The following OAS3 variants were observed in gnomAD, a reference collection of about 807,000 sequenced individuals.
The protein encoded by OAS3 is 2'-5'-oligoadenylate synthetase 3.
Under a neutral mutation model 113.0 loss-of-function variants are expected in OAS3, and 107 were observed. The observed-to-expected ratio is 0.95, with a 90% CI of 0.81 to 1.11. OAS3 has a LOEUF of 1.11. Ranked by LOEUF, OAS3 falls within the 50% of genes most tolerant of loss-of-function variation. OAS3 has a pLI of 0.00. For synonymous variants in OAS3, 552 were observed against 573.6 expected (o/e 0.96, Z 0.54); for missense variants, 1,258 against 1,389.1 (o/e 0.91, Z 1.50).
At chr12:112,960,805 A>T (rs2043876120) in intron 7 of OAS3, among the ~76,000 whole-genome samples, 1 of 152,164 alleles carries the variant, frequency 6.6e-6, no homozygotes, top group African/African-American at 2.4e-5. Context: ...CTTTCAGGGA[A>T]AATTTAAAAA....
intron 7 of OAS3, among the ~76,000 whole-genome samples, chr12:112,957,702 T>C (rs2043848363): frequency 6.6e-6 from 1 of 152,218 alleles, no homozygotes; most frequent in Non-Finnish European, 1.5e-5. Flanking sequence ...TGCCGAGAGA[T>C]CTGCTGTTAG....
chr12:112,943,031 G>T (rs868661070), intron 2 of OAS3, among the ~76,000 whole-genome samples: 1 of 151,794 alleles, frequency 6.6e-6, no homozygotes, highest in Non-Finnish European at 1.5e-5. Context: ...TCCGTCCTGG[G>T]TTCAAGCAAT....
chr12:112,968,258 G>C lies in OAS3; in HGVS notation c.3104+84G>C, dbSNP rs2043954625. ...CTTTCTAGATTGCAGAGCAGAGATG[G>C]GAAAACACTCTTCCTAGAACGGATT... On this transcript the variant is annotated intron_variant, in intron 14 of 15. Coordinates refer to ENST00000228928, the MANE Select transcript of OAS3 (RefSeq NM_006187.4). 3 of 1,464,472 alleles carry C rather than the reference G, an allele frequency of 2.0e-6. No homozygotes were observed. In the African/African-American group the frequency reaches 4.2e-5, roughly 21 times the overall value. The allele number at this position is 1,464,472 out of a possible 1,614,324, so 90.7% of individuals were successfully genotyped here.
chr12:112,967,974 A>C lies in OAS3; in HGVS notation c.2904A>C (p.Pro968=). ...KISKGRGSLP[P]QHGLELLTVY... ...CCAAGGGGAGAGGCTCCCTACCCCC[A>C]CAGCACGGGCTGGAACTCCTGACTG... The change falls in exon 14 of 16, where the codon CCA becomes CCC. Residue 968 remains proline (P), a synonymous_variant. Coordinates refer to ENST00000228928, the MANE Select transcript of OAS3 (RefSeq NM_006187.4). The C allele has an allele frequency of 6.2e-7, 1 of 1,613,986 alleles. No individual in the cohort carries two copies. Among genetic ancestry groups the C allele is most frequent in the South Asian group, 1.1e-5 (1 of 91,070 alleles).
At chr12:112,956,854 C>T (rs181754521) in intron 7 of OAS3, among the ~76,000 whole-genome samples, 271 of 152,222 alleles carry the variant, frequency 1.8e-3, no homozygotes, top group South Asian at 0.013. Flanking sequence ...CTATTAGGTC[C>T]GCTTGGTGCA....
intron 7 of OAS3, among the ~76,000 whole-genome samples, chr12:112,951,682 A>G (rs1222639660): frequency 6.6e-6 from 1 of 151,996 alleles, no homozygotes; most frequent in African/African-American, 2.4e-5. Flanking sequence ...CATTTCTTAG[A>G]TTGCCCATGG....
Position 112,954,526 on chromosome 12 carries a change from G to A in OAS3, c.1657+3551G>A, listed in dbSNP as rs1054597837. ...TTAGCCAGGATGGTCTTGATCTCCC[G>A]ACCTCGTGATCCACCCACCTCGGCC... is the stretch of plus-strand genomic sequence containing the variant. On this transcript the variant is annotated intron_variant, in intron 7 of 15. Transcript: ENST00000228928. The surrounding 1 kb of genome is among the most constrained non-coding windows in gnomAD (Gnocchi z 4.0). Among the ~76,000 whole-genome samples the A allele has an allele frequency of 5.9e-5, 9 of 152,096 alleles. No homozygotes were observed. Among genetic ancestry groups the A allele is most frequent in the East Asian group, 1.9e-4 (1 of 5,180 alleles).
chr12:112,944,309 A>C (rs149825066), intron 2 of OAS3, among the ~76,000 whole-genome samples, 167 bp from the exon 3 acceptor site: 1 of 152,214 alleles, frequency 6.6e-6, no homozygotes, highest in Non-Finnish European at 1.5e-5. Flanking sequence ...CCTCCTGAAA[A>C]GCTCCAGGCT....
rs1460712828 is a variant in OAS3 at position 112,938,593 on chromosome 12, G to C, written c.63G>C (p.Pro21=). 5 of 1,610,422 alleles carry C rather than the reference G, an allele frequency of 3.1e-6. No individual in the cohort carries two copies. In the African/African-American group the frequency reaches 5.3e-5, roughly 17 times the overall value. The change falls in exon 1 of 16, where the codon CCG becomes CCC. Residue 21 remains proline (P), a synonymous_variant. Transcript: ENST00000228928. ...GGTTCGTGGCCAGAAGGCTGCAGCC[G>C]CGGAAGGAGTTCGTAGAGAAGGCGC... ...LDRFVARRLQ[P]RKEFVEKARR... is the part of the protein sequence containing the mutation.
intron 5 of OAS3, 119 bp downstream of exon 5, chr12:112,948,218 A>G (rs2043751651): frequency 2.9e-6 from 3 of 1,042,682 alleles, no homozygotes; most frequent in Non-Finnish European, 3.8e-6. Context: ...AGGGGTGGCC[A>G]GGTGTGGTGG....
intron 7 of OAS3, 108 bp downstream of exon 7, chr12:112,951,083 GC>G: frequency 8.4e-7 from 1 of 1,193,564 alleles, no homozygotes; most frequent in East Asian, 2.5e-5. Context: ...ACTTGACCAA[GC>G]ATTGAAAACT....
chr12:112,948,779 G>C, intron 5 of OAS3, 82 bp from the exon 6 acceptor site: 2 of 1,101,972 alleles, frequency 1.8e-6, no homozygotes, highest in Non-Finnish European at 2.6e-6. Flanking sequence ...TGTACAAAGG[G>C]CGGGAGCTGG....
At position 112,948,389 on chromosome 12, in the gene OAS3, GC is replaced by G. The variant is rs2043753311; in HGVS notation, c.1029+291del. ...ATGGTGGTGGGTGCGTGTAATCTCA[GC>G]TACTCGAGAGGCTGAGGCAGGAGAA... is the stretch of plus-strand genomic sequence containing the variant. On this transcript the variant is annotated intron_variant, in intron 5 of 15. Transcript: ENST00000228928. Among the ~76,000 whole-genome samples, 10 of 151,730 alleles carry G rather than the reference GC, an allele frequency of 6.6e-5. No homozygotes were observed. In the South Asian group the frequency reaches 2.1e-3, roughly 32 times the overall value.
chr12:112,938,687 C>CG lies in OAS3; in HGVS notation c.160dup (p.Val54GlyfsTer21). 1 of 1,571,026 alleles carries CG rather than the reference C, an allele frequency of 6.4e-7. No individual in the cohort carries two copies. Among genetic ancestry groups the CG allele is most frequent in the Non-Finnish European group, 8.6e-7 (1 of 1,160,416 alleles). ...GGGCCGCCTCGGTGCTGCTGCCCCG[C>CG]GGGTGCTGAAAACTGTCAAGGTGAG... On this transcript the variant is annotated frameshift_variant, in exon 1 of 16. Transcript: ENST00000228928. LOFTEE classifies it high-confidence loss of function.
intron 2 of OAS3, among the ~76,000 whole-genome samples, chr12:112,943,085 CCA>C (rs1302219432): frequency 6.6e-6 from 1 of 151,952 alleles, no homozygotes; most frequent in Non-Finnish European, 1.5e-5. Flanking sequence ...CAGGCATGCA[CCA>C]CCATGCCTGG....
Position 112,944,550 on chromosome 12 carries a change from G to A in OAS3, c.535G>A (p.Glu179Lys), listed in dbSNP as rs45585037. 6.9e-5 allele frequency: 111 copies of A among 1,614,054 alleles called. 1 individual carries two copies. In the African/African-American group the frequency reaches 1.2e-3, roughly 18 times the overall value. The change falls in exon 3 of 16, where the codon GAG becomes AAG. Residue 179 changes from glutamate to lysine, a missense_variant. Glu to Lys is a moderately conservative substitution (Grantham distance 56, BLOSUM62 1). Transcript: ENST00000228928. ...TLLNSGCQGG[E>K]HAACFTELRR... ...CCTCAACAGTGGCTGCCAAGGGGGC[G>A]AGCATGCGGCCTGCTTCACAGAGCT...
rs1326145595 is a variant in OAS3 at position 112,970,181 on chromosome 12, A to G, written c.*208A>G. On this transcript the variant is annotated 3_prime_UTR_variant, in exon 16 of 16. Coordinates refer to ENST00000228928, the MANE Select transcript of OAS3 (RefSeq NM_006187.4). ...CACACTCCCCTGCCTCCCATGGCTT[A>G]CACACTAGGATCCAGACTCCATGGT... The G allele has an allele frequency of 3.1e-6, 2 of 638,642 alleles. No individual in the cohort carries two copies. The highest frequency in any genetic ancestry group is 5.6e-6 in the Non-Finnish European group (2 of 359,238). The allele number at this position is 638,642 out of a possible 1,614,324, so 39.6% of individuals were successfully genotyped here.
chr12:112,964,568 G>A (rs534896184), intron 11 of OAS3, among the ~76,000 whole-genome samples, 160 bp downstream of exon 11: 3 of 152,116 alleles, frequency 2.0e-5, no homozygotes, highest in Non-Finnish European at 4.4e-5. Context: ...GGCAGAGAGA[G>A]GGCCCAGATA....
chr12:112,968,813 C>A (rs747569537), intron 14 of OAS3, among the ~76,000 whole-genome samples: 2 of 152,216 alleles, frequency 1.3e-5, no homozygotes, highest in Non-Finnish European at 2.9e-5. Context: ...CTGTGCCCAG[C>A]CTTGTATTTG....
Sources: gnomAD v4.1 joint callset for allele counts (sites outside exome capture counted in the v4.1 genomes callset) on GRCh38, gnomAD v4.1.1 for gene constraint, Gnocchi (gnomAD v3.1) non-coding constraint, MANE v1.5 for transcripts, NCBI Gene and HGNC (gene_info 2026-07-23, HGNC 2026-07-21) for gene names.